CACNA2D3: variants seen among roughly 807,000 people sequenced by gnomAD.
The protein encoded by CACNA2D3 is voltage-dependent calcium channel subunit alpha-2/delta-3.
A neutral mutation model predicts 160.6 loss-of-function variants in CACNA2D3; 60 were observed. The ratio of observed to expected loss-of-function variants is 0.37; its 90% CI spans 0.30 to 0.46. The LOEUF is 0.46. Ranked by LOEUF, CACNA2D3 falls within the 20% of genes least tolerant of loss-of-function variation. CACNA2D3 has a pLI of 1.00. For synonymous variants in CACNA2D3, 558 were observed against 492.9 expected (o/e 1.13, Z -1.75); for missense variants, 1,205 against 1,365.0 (o/e 0.88, Z 1.85).
chr3:54,657,243 G>A (rs1413577598), intron 11 of CACNA2D3, among the ~76,000 whole-genome samples: 5 of 152,184 alleles, frequency 3.3e-5, no homozygotes, highest in African/African-American at 7.2e-5. Flanking sequence ...GTCTGGATGT[G>A]TACGTGCAGG....
Position 55,059,635 on chromosome 3 carries a change from A to G in CACNA2D3, c.2988-13810A>G, listed in dbSNP as rs571978812. On this transcript the variant is annotated intron_variant, in intron 35 of 37. Coordinates refer to ENST00000474759, the MANE Select transcript of CACNA2D3 (RefSeq NM_018398.3). ...CAGTGCTCTTTTAGCTCTGCTGTCC[A>G]TAGACAGCTTAAGTATTAACCAGCT... is the stretch of plus-strand genomic sequence containing the variant. Among the ~76,000 whole-genome samples the G allele has an allele frequency of 5.3e-5, 8 of 152,340 alleles. 1 individual carries two copies. In the South Asian group the frequency reaches 1.5e-3, roughly 28 times the overall value.
chr3:54,966,252 A>T (rs1045966483), intron 27 of CACNA2D3, among the ~76,000 whole-genome samples: 5 of 151,778 alleles, frequency 3.3e-5, no homozygotes, highest in Admixed American at 6.6e-5. Context: ...CCCTGGAGTG[A>T]CTCTTTCAGG....
Position 54,179,631 on chromosome 3 carries a change from C to G in CACNA2D3, c.204+56037C>G, listed in dbSNP as rs575822710. 2.0e-5 allele frequency among the ~76,000 whole-genome samples: 3 copies of G among 152,268 alleles called. No individual in the cohort carries two copies. The South Asian group carries it at 6.2e-4, about 32-fold the overall frequency. ...TATATGTTAAAACCGAATTTGTATT[C>G]ATATGTTGAAGCCTAATCCTCAATG... On this transcript the variant is annotated intron_variant, in intron 2 of 37. Coordinates refer to ENST00000474759, the MANE Select transcript of CACNA2D3 (RefSeq NM_018398.3).
chr3:54,306,374 G>A (rs1703601982), intron 2 of CACNA2D3, among the ~76,000 whole-genome samples: 1 of 150,782 alleles, frequency 6.6e-6, no homozygotes, highest in African/African-American at 2.4e-5. Flanking sequence ...AGTATTCTAG[G>A]ATTCTTCAGA....
chr3:54,180,017 C>CT (rs1700752350), intron 2 of CACNA2D3, among the ~76,000 whole-genome samples: 1 of 144,064 alleles, frequency 6.9e-6, no homozygotes, highest in African/African-American at 2.6e-5. Flanking sequence ...GAGAAGGTTT[C>CT]ATTTTTTCTT....
chr3:54,952,177 C>A (rs1233909149), intron 27 of CACNA2D3, among the ~76,000 whole-genome samples: 2 of 152,322 alleles, frequency 1.3e-5, no homozygotes, highest in East Asian at 3.9e-4. Flanking sequence ...GCCTCCTGCA[C>A]CCCTGTTGGT....
chr3:54,426,781 A>C (rs1005056776), intron 4 of CACNA2D3, among the ~76,000 whole-genome samples: 1 of 150,006 alleles, frequency 6.7e-6, no homozygotes, highest in African/African-American at 2.5e-5. Flanking sequence ...GCATTCTTTG[A>C]TTTTTTTTTT....
intron 2 of CACNA2D3, among the ~76,000 whole-genome samples, chr3:54,269,904 T>C (rs1321624411): frequency 6.6e-6 from 1 of 152,232 alleles, no homozygotes; most frequent in Non-Finnish European, 1.5e-5. Flanking sequence ...AGAAAAGACC[T>C]TAATACATGG....
In CACNA2D3 at chr3:54,830,775, C is replaced by G. The variant is rs563804257; in HGVS notation, c.1399-6384C>G. On this transcript the variant is annotated intron_variant, in intron 14 of 37. Coordinates refer to ENST00000474759, the MANE Select transcript of CACNA2D3 (RefSeq NM_018398.3). Reference sequence around the variant, plus strand: ...TACAGGCGTGAGTCACCGCACCTGGCCCCTAAATATATTTTTGTTTGTAAG... The same window carrying G: ...TACAGGCGTGAGTCACCGCACCTGGGCCCTAAATATATTTTTGTTTGTAAG... Among the ~76,000 whole-genome samples, 192 of 152,194 alleles carry G rather than the reference C, an allele frequency of 1.3e-3. 1 individual carries two copies. The highest frequency in any genetic ancestry group is 4.3e-3 in the African/African-American group (177 of 41,518).
At chr3:54,453,745 C>A (rs950712764) in intron 4 of CACNA2D3, among the ~76,000 whole-genome samples, 6 of 152,152 alleles carry the variant, frequency 3.9e-5, no homozygotes, top group Non-Finnish European at 1.5e-5. Context: ...TTGTCCCCAC[C>A]AGTTCCTCAA....
intron 17 of CACNA2D3, among the ~76,000 whole-genome samples, chr3:54,857,462 C>A (rs1382426144): frequency 6.6e-6 from 1 of 152,148 alleles, no homozygotes; most frequent in Non-Finnish European, 1.5e-5. Flanking sequence ...CATCCCTCAG[C>A]CAAAGACTGC....
chr3:54,135,476 G>A (rs1009489971), intron 2 of CACNA2D3, among the ~76,000 whole-genome samples: 4 of 152,206 alleles, frequency 2.6e-5, no homozygotes, highest in African/African-American at 7.2e-5. Flanking sequence ...ACACACCCCC[G>A]GACATGAGGG....
chr3:54,350,928 A>G (rs1345825319), intron 3 of CACNA2D3, among the ~76,000 whole-genome samples: 1 of 146,932 alleles, frequency 6.8e-6, no homozygotes, highest in African/African-American at 2.5e-5. Context: ...CTTCTAGGTC[A>G]GATGTTTCCA....
At chr3:54,938,861 G>A (rs1701391137) in intron 27 of CACNA2D3, among the ~76,000 whole-genome samples, 1 of 152,142 alleles carries the variant, frequency 6.6e-6, no homozygotes, top group Non-Finnish European at 1.5e-5. Flanking sequence ...TGGGCATGTG[G>A]ACAATCCCCA....
chr3:54,933,371 C>T (rs1357598919), intron 27 of CACNA2D3, among the ~76,000 whole-genome samples: 1 of 152,160 alleles, frequency 6.6e-6, no homozygotes, highest in Non-Finnish European at 1.5e-5. Context: ...GGGGCCTGGG[C>T]TCCATGGTGT....
rs530436200 is a variant in CACNA2D3, at chr3:54,660,681, A to C, written c.1167+18440A>C. ...TACCTTACCTTAATCATTTCCATAA[A>C]AATATGAAGGGAGGAGATTTATAGG... On this transcript the variant is annotated intron_variant, in intron 11 of 37. Transcript: ENST00000474759. 4.6e-5 allele frequency among the ~76,000 whole-genome samples: 7 copies of C among 152,244 alleles called. No individual in the cohort carries two copies. In the South Asian group the frequency reaches 1.5e-3, roughly 32 times the overall value.
intron 2 of CACNA2D3, among the ~76,000 whole-genome samples, chr3:54,187,908 C>T (rs1011754620): frequency 2.0e-5 from 3 of 152,146 alleles, no homozygotes; most frequent in Admixed American, 1.3e-4. Context: ...TAACAGGCCA[C>T]AGACCAGTAC....
intron 5 of CACNA2D3, among the ~76,000 whole-genome samples, chr3:54,560,044 A>G (rs1036335763): frequency 6.6e-6 from 1 of 152,202 alleles, no homozygotes; most frequent in Non-Finnish European, 1.5e-5. Context: ...AGCACTGAAC[A>G]TATGCATGGG....
At position 54,748,509 on chromosome 3, in the gene CACNA2D3, A is replaced by G. The variant is rs1701798624; in HGVS notation, c.1168-4090A>G. Among the ~76,000 whole-genome samples the G allele has an allele frequency of 2.6e-5, 4 of 152,300 alleles. No individual in the cohort carries two copies. The South Asian group carries it at 6.2e-4, about 24-fold the overall frequency. On this transcript the variant is annotated intron_variant, in intron 11 of 37. Transcript: ENST00000474759. The stretch of plus-strand genomic sequence containing the variant: ...TATTAAGCTTAATTGGGTTTGTAGA[A>G]CATTTAAAGACCATCCAAACTTAAG...
Sources: gnomAD v4.1 joint callset for allele counts (sites outside exome capture counted in the v4.1 genomes callset) on GRCh38, gnomAD v4.1.1 for gene constraint, MANE v1.5 for transcripts, NCBI Gene and HGNC (gene_info 2026-07-23, HGNC 2026-07-21) for gene names.